Variants in MTSS1 observed in about 807,000 individuals in gnomAD.
MTSS1 encodes the protein MTSS I-BAR domain containing 1, also known as protein MTSS 1.
In MTSS1, 18 loss-of-function variants were observed where a neutral mutation model predicts 79.0. The ratio of observed to expected loss-of-function variants is 0.23; its 90% CI spans 0.16 to 0.34. The LOEUF (loss-of-function observed/expected upper bound fraction) is 0.34. MTSS1 is among the 10% of genes least tolerant of loss of function. The pLI, the probability that MTSS1 is intolerant of heterozygous loss-of-function variation, is 1.00. For synonymous variants in MTSS1, 341 were observed against 368.6 expected (o/e 0.93, Z 0.86); for missense variants, 815 against 986.2 (o/e 0.83, Z 2.33).
chr8:124,602,207 AATTTTTTT>A (rs1834055803), intron 3 of MTSS1, among the ~76,000 whole-genome samples: 1 of 142,222 alleles, frequency 7.0e-6, no homozygotes. Flanking sequence ...ATATATATAT[AATTTTTTT>A]TTGAGACACG....
chr8:124,709,081 AG>A (rs1473584019), intron 1 of MTSS1, among the ~76,000 whole-genome samples: 2 of 152,310 alleles, frequency 1.3e-5, no homozygotes, highest in East Asian at 1.9e-4. Context: ...TCAAGCTTAG[AG>A]GAAGTAAGAA....
chr8:124,716,009 T>A (rs1017367005), intron 1 of MTSS1, among the ~76,000 whole-genome samples: 2 of 152,222 alleles, frequency 1.3e-5, no homozygotes, highest in African/African-American at 4.8e-5. Flanking sequence ...CTTTGATGAC[T>A]CAATGTACGA....
At chr8:124,662,974 G>C (rs1822354368) in intron 3 of MTSS1, among the ~76,000 whole-genome samples, 1 of 152,042 alleles carries the variant, frequency 6.6e-6, no homozygotes, top group South Asian at 2.1e-4. Flanking sequence ...TTTTCTCCAG[G>C]TAACCAAGGG....
At chr8:124,626,582 G>C (rs1433721753) in intron 3 of MTSS1, among the ~76,000 whole-genome samples, 1 of 152,120 alleles carries the variant, frequency 6.6e-6, no homozygotes, top group Admixed American at 6.5e-5. Context: ...CTGGGCTGGA[G>C]GGGGGCAGAG....
chr8:124,659,898 T>TA (rs1821680241), intron 3 of MTSS1, among the ~76,000 whole-genome samples: 1 of 152,170 alleles, frequency 6.6e-6, no homozygotes, highest in Admixed American at 6.5e-5. Context: ...TAGAAATAAA[T>TA]ACATGCACAC....
intron 3 of MTSS1, among the ~76,000 whole-genome samples, chr8:124,605,571 C>G (rs1310544876): frequency 6.9e-6 from 1 of 144,108 alleles, no homozygotes; most frequent in Non-Finnish European, 1.5e-5. Flanking sequence ...CCTCTCGCTG[C>G]CTCCCTCCCT....
chr8:124,553,368 G>C lies in MTSS1; in HGVS notation c.1892C>G (p.Pro631Arg), dbSNP rs767341260. 7.4e-6 allele frequency: 12 copies of C among 1,611,668 alleles called. No individual in the cohort carries two copies. The African/African-American group carries it at 1.1e-4, about 14-fold the overall frequency. Residue 631 changes from proline (P) to arginine (R), a missense_variant, in exon 14 of 14, where the codon CCA (proline) becomes CGA (arginine). Around this residue, in one of 2 missense-constraint regions of MTSS1, gnomAD observed 590 missense variants for 620.8 expected, o/e 0.95. Coordinates refer to ENST00000518547, the MANE Select transcript of MTSS1 (RefSeq NM_014751.6). The surrounding 1 kb of genome is among the most constrained non-coding windows in gnomAD (Gnocchi z 6.0). Reference sequence around the variant, plus strand: ...CTCTTCTGGCCCATCTGGAGGGGCTGGCAACACCCCTGGGAGGTCTGGGAC... The same window carrying C: ...CTCTTCTGGCCCATCTGGAGGGGCTCGCAACACCCCTGGGAGGTCTGGGAC... ...PTVPDLPGVL[P>R]APPDGPEERG...
chr8:124,572,747 T>C (rs529531753), intron 6 of MTSS1, among the ~76,000 whole-genome samples: 7 of 147,058 alleles, frequency 4.8e-5, no homozygotes, highest in African/African-American at 1.0e-4. Flanking sequence ...TCTTTTCTTT[T>C]TTTTTTTTTT....
At chr8:124,598,376 C>G (rs1466408735) in intron 3 of MTSS1, among the ~76,000 whole-genome samples, 1 of 152,166 alleles carries the variant, frequency 6.6e-6, no homozygotes, top group East Asian at 1.9e-4. Flanking sequence ...TGGCCTCTAC[C>G]CACTAGATGC....
intron 3 of MTSS1, among the ~76,000 whole-genome samples, chr8:124,684,854 G>T (rs185190519): frequency 1.2e-4 from 19 of 152,290 alleles, no homozygotes; most frequent in Admixed American, 9.2e-4. Context: ...ATAGCCATTA[G>T]ATAGATAAAC....
chr8:124,606,316 T>C (rs1413643138), intron 3 of MTSS1, among the ~76,000 whole-genome samples: 1 of 151,788 alleles, frequency 6.6e-6, no homozygotes, highest in Admixed American at 6.6e-5. Flanking sequence ...GCCCAGCTAA[T>C]TTTTGTATTT....
chr8:124,583,361 G>C (rs1360725593), intron 6 of MTSS1, among the ~76,000 whole-genome samples: 1 of 152,164 alleles, frequency 6.6e-6, no homozygotes, highest in East Asian at 1.9e-4. Context: ...ATCCAGCCTT[G>C]ATAGGGAGCT....
chr8:124,585,757 T>C (rs1830752437), intron 5 of MTSS1, among the ~76,000 whole-genome samples: 1 of 152,076 alleles, frequency 6.6e-6, no homozygotes, highest in South Asian at 2.1e-4. Context: ...TCAGCTCAAG[T>C]ATCCGGAAAG....
chr8:124,642,580 G>GTTTTTTC (rs749410949), intron 3 of MTSS1, among the ~76,000 whole-genome samples: 93 of 152,080 alleles, frequency 6.1e-4, no homozygotes, highest in African/African-American at 2.0e-3. Flanking sequence ...TTTCTTCTGG[G>GTTTTTTC]TTTTTTCTTT....
chr8:124,695,570 A>C (rs1828671373), intron 3 of MTSS1, among the ~76,000 whole-genome samples: 2 of 152,354 alleles, frequency 1.3e-5, no homozygotes, highest in Non-Finnish European at 2.9e-5. Flanking sequence ...CCAAAAGGAT[A>C]TATACATGGG....
Position 124,553,087 on chromosome 8 carries a change from T to C in MTSS1, c.2173A>G (p.Thr725Ala), listed in dbSNP as rs3829037. The C allele has an allele frequency of 0.22, 349,048 of 1,613,730 alleles. 39,142 individuals carry two copies. Among genetic ancestry groups the C allele is most frequent in the Middle Eastern group, 0.25 (1,501 of 6,062 alleles). ...SDPADLSPRD[T>A]PQGEDMLNAI... ...TTCAGCATGTCTTCTCCTTGTGGAG[T>C]ATCCCTTGGGCTCAGGTCTGCAGGG... The change falls in exon 14 of 14, where the codon ACT becomes GCT. Residue 725 changes from threonine to alanine, a missense_variant. By Grantham distance (58) the Thr-to-Ala change is moderately conservative (BLOSUM62 0). Coordinates refer to ENST00000518547, the MANE Select transcript of MTSS1 (RefSeq NM_014751.6). The surrounding 1 kb of genome is among the most constrained non-coding windows in gnomAD (Gnocchi z 6.0).
chr8:124,568,929 G>GC, intron 6 of MTSS1: 2 of 1,219,068 alleles, frequency 1.6e-6, no homozygotes, highest in Admixed American at 3.7e-5. Flanking sequence ...GAGCCTGTGG[G>GC]TGTTTCCAAA....
At chr8:124,628,208 T>C (rs556468925) in intron 3 of MTSS1, among the ~76,000 whole-genome samples, 1 of 152,226 alleles carries the variant, frequency 6.6e-6, no homozygotes, top group African/African-American at 2.4e-5. Flanking sequence ...TGATGAAAAG[T>C]ACAGAGCAGG....
chr8:124,693,577 C>T (rs775151097), intron 3 of MTSS1, among the ~76,000 whole-genome samples: 22 of 152,324 alleles, frequency 1.4e-4, no homozygotes, highest in African/African-American at 4.3e-4. Context: ...CCAACCTCGG[C>T]GATCCAGACT....
Sources: gnomAD v4.1 joint callset for allele counts (sites outside exome capture counted in the v4.1 genomes callset) on GRCh38, gnomAD v4.1.1 for gene constraint, gnomAD v4.1.1 regional missense constraint, Gnocchi (gnomAD v3.1) non-coding constraint, MANE v1.5 for transcripts, NCBI Gene and HGNC (gene_info 2026-07-23, HGNC 2026-07-21) for gene names.